The following TTC7A variants were observed in gnomAD, a reference collection of about 807,000 sequenced individuals.
TTC7A encodes tetratricopeptide repeat protein 7A.
TTC7A carries 110 observed loss-of-function variants against 103.7 expected under a neutral mutation model. The ratio of observed to expected loss-of-function variants is 1.06; its 90% CI spans 0.91 to 1.24. TTC7A has a LOEUF of 1.24. Among genes scored for constraint, TTC7A ranks in the 50% most tolerant of loss-of-function variants. TTC7A has a pLI of 0.00. For missense variants in TTC7A, 1,340 were observed against 1,116.3 expected (o/e 1.20, Z -2.86); for synonymous variants, 521 against 467.9 (o/e 1.11, Z -1.47).
intron 10 of TTC7A, among the ~76,000 whole-genome samples, chr2:47,008,246 G>T (rs749564453): frequency 6.6e-6 from 1 of 152,200 alleles, no homozygotes; most frequent in East Asian, 1.9e-4. Context: ...GCACCCTTCT[G>T]TGGGTCCTGG....
At chr2:46,927,236 A>T (rs749424816) in intron 2 of TTC7A, among the ~76,000 whole-genome samples, 5 of 152,154 alleles carry the variant, frequency 3.3e-5, no homozygotes, top group Non-Finnish European at 7.4e-5. Context: ...CAAGATCAGG[A>T]TCAAAAAGAG....
intron 3 of TTC7A, among the ~76,000 whole-genome samples, chr2:46,967,233 A>G (rs915400578): frequency 6.6e-6 from 1 of 152,134 alleles, no homozygotes; most frequent in Non-Finnish European, 1.5e-5. Flanking sequence ...TGTGTTAAAT[A>G]TACATACCAT....
intron 1 of TTC7A, among the ~76,000 whole-genome samples, chr2:46,942,696 C>T (rs549648684): frequency 3.9e-5 from 6 of 152,264 alleles, no homozygotes; most frequent in African/African-American, 1.4e-4. Flanking sequence ...ACTTGATCAG[C>T]TAGCCAATAA....
In TTC7A at chr2:47,056,148, C is replaced by T. The variant is rs148110415; in HGVS notation, c.2152+4268C>T. On this transcript the variant is annotated intron_variant, in intron 18 of 19. Coordinates refer to ENST00000319190, the MANE Select transcript of TTC7A (RefSeq NM_020458.4). ...AACTCCCTGGAGACCTTTGGATTCC[C>T]TGTGTTGGCCTGGGCGTTCTCCATT... 2.0e-5 allele frequency among the ~76,000 whole-genome samples: 3 copies of T among 152,314 alleles called. No individual in the cohort carries two copies. In the East Asian group the frequency reaches 5.8e-4, roughly 29 times the overall value.
chr2:47,027,390 A>G (rs1050579320), intron 14 of TTC7A, among the ~76,000 whole-genome samples: 3 of 152,200 alleles, frequency 2.0e-5, no homozygotes, highest in Non-Finnish European at 4.4e-5. Flanking sequence ...CTCACACAAG[A>G]GCACTTGGCC....
intron 1 of TTC7A, among the ~76,000 whole-genome samples, chr2:46,949,553 C>T (rs1671227026): frequency 6.6e-6 from 1 of 152,186 alleles, no homozygotes. Flanking sequence ...TATAAAACCA[C>T]CTACCAGGTG....
intron 2 of TTC7A, among the ~76,000 whole-genome samples, chr2:46,935,134 G>A (rs577624158): frequency 1.3e-5 from 2 of 152,096 alleles, no homozygotes; most frequent in South Asian, 4.2e-4. Flanking sequence ...TTGATTACTA[G>A]ACCAACACCC....
chr2:47,030,259 G>A (rs1052542150), intron 15 of TTC7A, among the ~76,000 whole-genome samples: 3 of 152,212 alleles, frequency 2.0e-5, no homozygotes, highest in Admixed American at 2.0e-4. Context: ...GGTGACTCAC[G>A]CTGTGTAAAC....
intron 2 of TTC7A, among the ~76,000 whole-genome samples, chr2:46,921,773 T>C (rs1278140320): frequency 6.6e-6 from 1 of 152,184 alleles, no homozygotes; most frequent in Non-Finnish European, 1.5e-5. Flanking sequence ...AGGCATTAGT[T>C]AGATTCTCAT....
intron 2 of TTC7A, among the ~76,000 whole-genome samples, chr2:46,931,565 G>A (rs1669705217): frequency 6.6e-6 from 1 of 152,152 alleles, no homozygotes; most frequent in African/African-American, 2.4e-5. Flanking sequence ...AGGTTGGAGT[G>A]ATGAGCTTTG....
intron 2 of TTC7A, among the ~76,000 whole-genome samples, chr2:46,929,033 G>A (rs1380248485): frequency 6.6e-6 from 1 of 151,798 alleles, no homozygotes; most frequent in Admixed American, 6.6e-5. Flanking sequence ...TGTGGTGGTG[G>A]GTGCCTGTAA....
chr2:47,054,430 G>A (rs1187852204), intron 18 of TTC7A, among the ~76,000 whole-genome samples: 2 of 152,108 alleles, frequency 1.3e-5, no homozygotes, highest in African/African-American at 2.4e-5. Flanking sequence ...TCCTGGAATT[G>A]GCACACATCA....
chr2:46,994,487 G>GGAAACCTCACCTCTATGAAGGA lies in TTC7A; in HGVS notation c.977_998dup (p.Asp333GlufsTer6). 6.2e-7 allele frequency: 1 copy of GGAAACCTCACCTCTATGAAGGA among 1,614,020 alleles called. No individual in the cohort carries two copies. The highest frequency in any genetic ancestry group is 8.5e-7 in the Non-Finnish European group (1 of 1,179,966). The stretch of plus-strand genomic sequence containing the variant: ...AGTTCTTTCGCCACTCAGGCCCTGC[G>GGAAACCTCACCTCTATGAAGGA]GAAACCTCACCTCTATGAAGGAGAC... On this transcript the variant is annotated frameshift_variant, in exon 7 of 20. Coordinates refer to ENST00000319190, the MANE Select transcript of TTC7A (RefSeq NM_020458.4). LOFTEE classifies it high-confidence loss of function.
At chr2:47,024,260 GA>G in intron 13 of TTC7A, 26 bp from the exon 14 acceptor site, 1 of 1,575,368 alleles carries the variant, frequency 6.3e-7, no homozygotes, top group Non-Finnish European at 8.6e-7. Context: ...CCTGGTGCCT[GA>G]CTTGTCACTC....
rs575818712 is a variant in TTC7A at position 47,054,996 on chromosome 2, A to G, written c.2152+3116A>G. ...ATTCCAGGGTAATTTGCACCCCCTG[A>G]GCCCTCTCCCCTCCCCTGGCTGCCA... On this transcript the variant is annotated intron_variant, in intron 18 of 19. Coordinates refer to ENST00000319190, the MANE Select transcript of TTC7A (RefSeq NM_020458.4). 1.5e-4 allele frequency among the ~76,000 whole-genome samples: 23 copies of G among 152,100 alleles called. 1 individual carries two copies. Among genetic ancestry groups the G allele is most frequent in the Middle Eastern group, 3.4e-3 (1 of 294 alleles).
Position 47,074,029 on chromosome 2 carries a change from A to T in TTC7A, c.*106A>T. Reference sequence around the variant, plus strand: ...GCATCAGGTGCGGGGCCTCAGGGAAATACATCTTTAGTGAACGCCTCTGCA... The same window carrying T: ...GCATCAGGTGCGGGGCCTCAGGGAATTACATCTTTAGTGAACGCCTCTGCA... On this transcript the variant is annotated 3_prime_UTR_variant, in exon 20 of 20. Coordinates refer to ENST00000319190, the MANE Select transcript of TTC7A (RefSeq NM_020458.4). 1 of 838,736 alleles carries T rather than the reference A, an allele frequency of 1.2e-6. No homozygotes were observed. The highest frequency in any genetic ancestry group is 2.7e-5 in the East Asian group (1 of 37,354). The allele number at this position is 838,736 out of a possible 1,614,324, so 52.0% of individuals were successfully genotyped here. A position where few individuals can be genotyped will look rare whatever the true frequency, so the allele number is the denominator to read the frequency against.
At chr2:46,951,227 T>G (rs1200429804) in intron 2 of TTC7A, among the ~76,000 whole-genome samples, 1 of 152,116 alleles carries the variant, frequency 6.6e-6, no homozygotes, top group African/African-American at 2.4e-5. Context: ...GGTCACAACT[T>G]TCTCTGGACT....
rs540360152 is a variant in TTC7A, at chr2:47,048,927, C to T, written c.1920-1022C>T. ...CTGTCTCTGGCTTTTTTGCACCACA[C>T]TTTGTGCCTCCTGGGAATGGGAAGG... On this transcript the variant is annotated intron_variant, in intron 16 of 19. Transcript: ENST00000319190. Among the ~76,000 whole-genome samples, 6 of 152,206 alleles carry T rather than the reference C, an allele frequency of 3.9e-5. No individual in the cohort carries two copies. In the East Asian group the frequency reaches 5.8e-4, roughly 15 times the overall value.
intron 16 of TTC7A, among the ~76,000 whole-genome samples, chr2:47,049,356 C>G (rs10199070): frequency 0.023 from 3,538 of 152,034 alleles, 154 homozygotes; most frequent in African/African-American, 0.081. Context: ...CCCTCCCCCC[C>G]GCCAGCAGTA....
Sources: allele counts gnomAD v4.1 joint callset (sites outside exome capture counted in the v4.1 genomes callset), GRCh38; gene constraint gnomAD v4.1.1; transcripts MANE v1.5; gene names NCBI Gene and HGNC (gene_info 2026-07-23, HGNC 2026-07-21).